Variants in CFAP46 observed in about 807,000 individuals in gnomAD.
CFAP46 encodes cilia and flagella associated protein 46, also known as cilia- and flagella-associated protein 46.
CFAP46 carries 245 observed loss-of-function variants against 325.7 expected under a neutral mutation model. That is an observed-to-expected ratio of 0.75 (90% CI 0.68 to 0.84). The LOEUF (loss-of-function observed/expected upper bound fraction) is 0.84, where lower values mean the gene tolerates loss of function less well. Ranked by LOEUF, CFAP46 falls within the 40% of genes least tolerant of loss-of-function variation. The pLI is 0.00. For synonymous variants in CFAP46, 1,523 were observed against 1,495.9 expected, an observed-to-expected ratio of 1.02 and a Z score of -0.42; for missense variants, 3,346 against 3,543.0, an observed-to-expected ratio of 0.94 and a Z score of 1.41.
In CFAP46 at chr10:132,909,765, C is replaced by T. The variant is rs1235109296; in HGVS notation, c.2649+154G>A. Reference sequence around the variant, plus strand: ...TGCCACACTCAAGGGCAGCCAGCGGCGGTGAGCTCAGTGGGAAAAGGGAGT... The same window carrying T: ...TGCCACACTCAAGGGCAGCCAGCGGTGGTGAGCTCAGTGGGAAAAGGGAGT... On this transcript the variant is annotated intron_variant, in intron 20 of 57. Transcript: ENST00000368586. Among the ~76,000 whole-genome samples, 8 of 152,232 alleles carry T rather than the reference C, an allele frequency of 5.3e-5. No homozygotes were observed. The East Asian group carries it at 1.3e-3, about 26-fold the overall frequency.
At chr10:132,838,085 C>T (rs532066515) in intron 44 of CFAP46, among the ~76,000 whole-genome samples, 2 of 152,368 alleles carry the variant, frequency 1.3e-5, no homozygotes, top group South Asian at 2.1e-4. Flanking sequence ...GGATGCCAGT[C>T]GGCTGTGGTC....
In CFAP46 at chr10:132,912,434, TCTCTC is replaced by T. The variant is rs200425491; in HGVS notation, c.2499+216_2499+220del. Among the ~76,000 whole-genome samples the T allele has an allele frequency of 8.6e-3, 1,038 of 121,152 alleles. 31 individuals are homozygous for T. The highest frequency in any genetic ancestry group is 0.031 in the African/African-American group (954 of 31,196). The allele number at this position is 121,152 out of a possible 152,430, so 79.5% of individuals were successfully genotyped here. ...TGCTCATCTCTCTCTCTCACCTCCC[TCTCTC>T]CTCTCCTCTCTCTCTCTCTTCACCT... On this transcript the variant is annotated intron_variant, in intron 19 of 57. Coordinates refer to ENST00000368586, the MANE Select transcript of CFAP46 (RefSeq NM_001200049.3).
At chr10:132,897,430 C>T (rs1030796054) in intron 24 of CFAP46, among the ~76,000 whole-genome samples, 1 of 152,236 alleles carries the variant, frequency 6.6e-6, no homozygotes, top group Non-Finnish European at 1.5e-5. Flanking sequence ...ACGGCCCTCA[C>T]TGTCCGTGGG....
chr10:132,821,459 GTGC>G lies in CFAP46; in HGVS notation c.7118-6548_7118-6546del, dbSNP rs1373685431. On this transcript the variant is annotated intron_variant, in intron 50 of 57. Coordinates refer to ENST00000368586, the MANE Select transcript of CFAP46 (RefSeq NM_001200049.3). ...GTGTGAGTGCTGATGTGTGCTGTGTGTGCTGATGTGTGTTGTGTGTGCTGTGTG... is the reference window on the plus strand; with the variant it reads ...GTGTGAGTGCTGATGTGTGCTGTGTGTGATGTGTGTTGTGTGTGCTGTGTG... Among the ~76,000 whole-genome samples the G allele has an allele frequency of 2.0e-3, 284 of 142,604 alleles. 2 individuals carry two copies. Among genetic ancestry groups the G allele is most frequent in the African/African-American group, 7.3e-3 (263 of 35,948 alleles). 93.6% of individuals were successfully genotyped at this position (142,604 alleles called of 152,430 possible).
Position 132,941,060 on chromosome 10 carries a change from C to T in CFAP46, c.307G>A (p.Glu103Lys). ...TCAGTCACGCAATTTTCAAATTCCT[C>T]CTAAGGCAACATAAAGAAGCACAAT... ...MCAPKSAENLEEFENCVTEYM... is the reference protein window; with the variant it reads ...MCAPKSAENLKEFENCVTEYM... The change falls in exon 4 of 58, where the codon GAG becomes AAG. Residue 103 changes from glutamate to lysine, a missense_variant and splice_region_variant. Physicochemically the swap from Glu to Lys is moderately conservative, Grantham distance 56 (BLOSUM62 1). Transcript: ENST00000368586. 1.9e-6 allele frequency: 3 copies of T among 1,614,106 alleles called. No homozygotes were observed. The highest frequency in any genetic ancestry group is 2.5e-6 in the Non-Finnish European group (3 of 1,180,020).
chr10:132,922,740 G>A (rs1849747009), intron 11 of CFAP46, 32 bp from the exon 12 acceptor site: 1 of 1,502,414 alleles, frequency 6.7e-7, no homozygotes, highest in South Asian at 1.2e-5. Context: ...AGGGGCCCTG[G>A]CGGCGCTGCG....
At chr10:132,858,226 G>C (rs1454637916) in intron 38 of CFAP46, among the ~76,000 whole-genome samples, 8 of 152,124 alleles carry the variant, frequency 5.3e-5, no homozygotes, top group Non-Finnish European at 1.2e-4. Context: ...ACAAGTCCGG[G>C]GGCCATAGGT....
intron 25 of CFAP46, among the ~76,000 whole-genome samples, chr10:132,890,017 A>G (rs1178663949): frequency 6.6e-6 from 1 of 152,234 alleles, no homozygotes; most frequent in Non-Finnish European, 1.5e-5. Flanking sequence ...AATCTCTGCT[A>G]TGCTCAATTC....
rs576500509 is a variant in CFAP46, at chr10:132,854,717, T to C, written c.5574+2873A>G. 3.9e-5 allele frequency among the ~76,000 whole-genome samples: 6 copies of C among 152,262 alleles called. No individual in the cohort carries two copies. The East Asian group carries it at 9.7e-4, about 24-fold the overall frequency. The stretch of plus-strand genomic sequence containing the variant: ...TTAAAAATATACAATTCAGTGGCAC[T>C]TACACGTTCACAACATTGTGCCACC... On this transcript the variant is annotated intron_variant, in intron 39 of 57. Transcript: ENST00000368586.
chr10:132,809,693 C>T (rs1033020565), intron 57 of CFAP46, among the ~76,000 whole-genome samples: 2 of 152,146 alleles, frequency 1.3e-5, no homozygotes, highest in Non-Finnish European at 2.9e-5. Flanking sequence ...CCCGGGGTCC[C>T]GGGAAGCTCC....
rs1848869493 is a variant in CFAP46, at chr10:132,869,651, T to C, written c.4512-279A>G. On this transcript the variant is annotated intron_variant, in intron 32 of 57. Coordinates refer to ENST00000368586, the MANE Select transcript of CFAP46 (RefSeq NM_001200049.3). This position sits in a 1 kb window ranked among gnomAD's most constrained non-coding sequence, Gnocchi z 6.2. The stretch of plus-strand genomic sequence containing the variant: ...GCCGTCCGAGGAGAAGAGGAGGCCC[T>C]CAGGTGGGCTCAGCACCCACCACAA... Among the ~76,000 whole-genome samples, 1 of 152,118 alleles carries C rather than the reference T, an allele frequency of 6.6e-6. No homozygotes were observed. Among genetic ancestry groups the C allele is most frequent in the Non-Finnish European group, 1.5e-5 (1 of 68,024 alleles).
Position 132,834,275 on chromosome 10 carries a change from G to C in CFAP46, c.6867-152C>G, listed in dbSNP as rs540421161. 4.1e-6 allele frequency: 3 copies of C among 723,088 alleles called. No homozygotes were observed. The South Asian group carries it at 5.4e-5, about 13-fold the overall frequency. The allele number at this position is 723,088 out of a possible 1,614,324, so 44.8% of individuals were successfully genotyped here. ...GGGATGGTCCCACTGAGGTGGGGCC[G>C]GGATGAGCCACAGGATTTTGGGATC... On this transcript the variant is annotated intron_variant, in intron 48 of 57. Transcript: ENST00000368586.
At position 132,828,861 on chromosome 10, in the gene CFAP46, C is replaced by G. The variant is rs1848103367; in HGVS notation, c.7117+4497G>C. Among the ~76,000 whole-genome samples the G allele has an allele frequency of 6.6e-6, 1 of 152,140 alleles. No homozygotes were observed. Among genetic ancestry groups the G allele is most frequent in the Admixed American group, 6.5e-5 (1 of 15,282 alleles). ...CTTCCTCCGCTCAGCGTCCTCGTCCCTTTGCCAGCCACCACCCGGCTGTGC... is the reference window on the plus strand; with the variant it reads ...CTTCCTCCGCTCAGCGTCCTCGTCCGTTTGCCAGCCACCACCCGGCTGTGC... On this transcript the variant is annotated intron_variant, in intron 50 of 57. Transcript: ENST00000368586. The surrounding 1 kb of genome is among the most constrained non-coding windows in gnomAD (Gnocchi z 4.9).
intron 19 of CFAP46, among the ~76,000 whole-genome samples, chr10:132,912,159 C>T (rs1356567632): frequency 7.3e-6 from 1 of 136,936 alleles, no homozygotes; most frequent in Non-Finnish European, 1.6e-5. Context: ...TCTCTCCTCT[C>T]TCTCTTCTCT....
At chr10:132,911,232 T>C (rs4880465) in intron 19 of CFAP46, among the ~76,000 whole-genome samples, 91,185 of 152,096 alleles carry the variant, frequency 0.6, 28,978 homozygotes, top group African/African-American at 0.82. Flanking sequence ...ACAGCCGGTG[T>C]TCCTGGCCGG....
intron 50 of CFAP46, among the ~76,000 whole-genome samples, chr10:132,830,105 A>G (rs1383435756): frequency 6.6e-6 from 1 of 151,814 alleles, no homozygotes; most frequent in Non-Finnish European, 1.5e-5. Context: ...GTGTGTAGAA[A>G]TCCTCTGGGT....
intron 25 of CFAP46, 116 bp downstream of exon 25, chr10:132,892,217 G>A (rs1035127901): frequency 5.6e-6 from 5 of 889,284 alleles, no homozygotes; most frequent in African/African-American, 3.4e-5. Flanking sequence ...TGGAGTTACT[G>A]CCAAGTGGCT....
chr10:132,908,771 G>T, intron 21 of CFAP46, 137 bp from the exon 22 acceptor site: 1 of 1,138,640 alleles, frequency 8.8e-7, no homozygotes, highest in Non-Finnish European at 1.2e-6. Flanking sequence ...TGCCACAAAA[G>T]CTGAGCTGCC....
In CFAP46 at chr10:132,936,947, C is replaced by A; in HGVS notation, c.755+14G>T. ...TGAAACTCAGTATTTGCTCTCCCTC[C>A]CAAAACGACTTACGCCTTTAGCATA... is the stretch of plus-strand genomic sequence containing the variant. On this transcript the variant is annotated intron_variant, in intron 7 of 57. Transcript: ENST00000368586. 6.7e-7 allele frequency: 1 copy of A among 1,489,970 alleles called. No homozygotes were observed. The highest frequency in any genetic ancestry group is 9.1e-7 in the Non-Finnish European group (1 of 1,101,180). The allele number at this position is 1,489,970 out of a possible 1,614,324, so 92.3% of individuals were successfully genotyped here. A position where few individuals can be genotyped will look rare whatever the true frequency, so the allele number is the denominator to read the frequency against.
Sources: allele counts gnomAD v4.1 joint callset (sites outside exome capture counted in the v4.1 genomes callset), GRCh38; gene constraint gnomAD v4.1.1; non-coding constraint Gnocchi (gnomAD v3.1); transcripts MANE v1.5; gene names NCBI Gene and HGNC (gene_info 2026-07-23, HGNC 2026-07-21).